The following ARHGDIA variants were observed in gnomAD, a reference collection of about 807,000 sequenced individuals.
The protein encoded by ARHGDIA is Rho GDP dissociation inhibitor alpha.
ARHGDIA carries 9 observed loss-of-function variants against 25.0 expected under a neutral mutation model. That is an observed-to-expected ratio of 0.36 (90% CI 0.22 to 0.63). The LOEUF is 0.63. Among genes scored for constraint, ARHGDIA ranks in the 20% least tolerant of loss-of-function variants. ARHGDIA has a pLI of 0.69. For synonymous variants in ARHGDIA, 166 were observed against 111.5 expected (o/e 1.49, Z -3.08); for missense variants, 239 against 264.3 (o/e 0.90, Z 0.66).
intron 1 of ARHGDIA, among the ~76,000 whole-genome samples, chr17:81,870,428 T>C (rs2143438620): frequency 6.6e-6 from 1 of 152,314 alleles, no homozygotes; most frequent in African/African-American, 2.4e-5. Context: ...CTCAGCGTCA[T>C]CTTTCAAACA....
At chr17:81,869,686 G>C in intron 2 of ARHGDIA, 55 bp downstream of exon 2, 1 of 1,559,940 alleles carries the variant, frequency 6.4e-7, no homozygotes, top group Non-Finnish European at 8.7e-7. Flanking sequence ...GCTGGGGAGC[G>C]GCAAGACAGC....
chr17:81,869,710 C>A (rs747602013), intron 2 of ARHGDIA, 31 bp downstream of exon 2: 3 of 1,593,878 alleles, frequency 1.9e-6, no homozygotes, highest in African/African-American at 2.7e-5. Flanking sequence ...AGTGAACGGG[C>A]GGCCACCCGG....
At chr17:81,870,279 G>A in intron 1 of ARHGDIA, 2 of 317,716 alleles carry the variant, frequency 6.3e-6, no homozygotes, top group South Asian at 8.0e-5. Context: ...AACCGGCGGG[G>A]CCCACACTAA....
intron 1 of ARHGDIA, chr17:81,871,025 C>G (rs1438191783): frequency 1.3e-5 from 2 of 149,606 alleles, no homozygotes; most frequent in Non-Finnish European, 3.0e-5. Context: ...GGCCGGCACT[C>G]CCCTGGTCCC....
rs766785436 is a variant in ARHGDIA, at chr17:81,869,883, C to T, written c.48G>A (p.Ala16=). Residue 16 remains alanine, a synonymous_variant, in exon 2 of 6, where the codon GCG becomes GCA. Transcript: ENST00000269321. The stretch of plus-strand genomic sequence containing the variant: ...CCGAGTGCTCATCCTCCTCGTTCTC[C>T]GCTGCAATCTGGGCCAGCTGCTCGG... ...PTAEQLAQIA[A]ENEEDEHSVN... The T allele has an allele frequency of 1.1e-5, 18 of 1,613,900 alleles. No homozygotes were observed. The highest frequency in any genetic ancestry group is 1.0e-5 in the Non-Finnish European group (12 of 1,180,008).
rs962351429 is a variant in ARHGDIA at position 81,870,138 on chromosome 17, C to T, written c.-27-181G>A. On this transcript the variant is annotated intron_variant, in intron 1 of 5. Coordinates refer to ENST00000269321, the MANE Select transcript of ARHGDIA (RefSeq NM_004309.6). The stretch of plus-strand genomic sequence containing the variant: ...TGGGGCAGTGTGAGGTGCCCCCACC[C>T]CAGGTATAACATCTAAGACAAAATG... 1.7e-5 allele frequency: 10 copies of T among 601,802 alleles called. No individual in the cohort carries two copies. The African/African-American group carries it at 1.7e-4, about 10-fold the overall frequency. 37.3% of individuals were successfully genotyped at this position (601,802 alleles called of 1,614,324 possible). A position where few individuals can be genotyped will look rare whatever the true frequency, so the allele number is the denominator to read the frequency against.
Position 81,868,242 on chromosome 17 carries a change from G to T in ARHGDIA, c.*634C>A. ...GGCACTGGTGGGCTGGGGAGCAGCA[G>T]CAGCACACCCCACGTGTCCCTGGGT... is the stretch of plus-strand genomic sequence containing the variant. On this transcript the variant is annotated 3_prime_UTR_variant, in exon 6 of 6. Transcript: ENST00000269321. The T allele has an allele frequency of 1.1e-6, 1 of 950,492 alleles. No homozygotes were observed. The highest frequency in any genetic ancestry group is 1.5e-6 in the Non-Finnish European group (1 of 673,948). The allele number at this position is 950,492 out of a possible 1,614,324, so 58.9% of individuals were successfully genotyped here. A position where few individuals can be genotyped will look rare whatever the true frequency, so the allele number is the denominator to read the frequency against.
Position 81,868,434 on chromosome 17 carries a change from ACGGCC to A in ARHGDIA, c.*437_*441del. The A allele has an allele frequency of 6.8e-7, 1 of 1,463,818 alleles. No individual in the cohort carries two copies. Among genetic ancestry groups the A allele is most frequent in the Non-Finnish European group, 9.0e-7 (1 of 1,111,378 alleles). 90.7% of individuals were successfully genotyped at this position (1,463,818 alleles called of 1,614,324 possible). A position where few individuals can be genotyped will look rare whatever the true frequency, so the allele number is the denominator to read the frequency against. On this transcript the variant is annotated 3_prime_UTR_variant, in exon 6 of 6. Transcript: ENST00000269321. Reference sequence around the variant, plus strand: ...GGCCAGGGAGCAGCGGGGCTGGAGGACGGCCCGGCCCCCACGAGGCCGTGCATCCC... The same window carrying A: ...GGCCAGGGAGCAGCGGGGCTGGAGGACGGCCCCCACGAGGCCGTGCATCCC...
At position 81,868,609 on chromosome 17, in the gene ARHGDIA, G is replaced by A. The variant is rs937997362; in HGVS notation, c.*267C>T. The A allele has an allele frequency of 1.0e-5, 16 of 1,535,432 alleles. No homozygotes were observed. The highest frequency in any genetic ancestry group is 1.4e-5 in the African/African-American group (1 of 73,032). ...CCTGGGGGGCACAGAAAGGGCAGCA[G>A]AGGCCTGGCTGCGGCCTCTCTCCCC... On this transcript the variant is annotated 3_prime_UTR_variant, in exon 6 of 6. Transcript: ENST00000269321.
intron 1 of ARHGDIA, chr17:81,870,253 A>C: frequency 5.6e-6 from 2 of 357,216 alleles, no homozygotes; most frequent in Non-Finnish European, 1.0e-5. Context: ...GGGCGGGGCT[A>C]GCAGGCCCCA....
chr17:81,869,489 C>A, intron 3 of ARHGDIA, 53 bp downstream of exon 3: 1 of 1,606,928 alleles, frequency 6.2e-7, no homozygotes, highest in African/African-American at 1.3e-5. Flanking sequence ...GGCTGCACTT[C>A]CCGAGATCCC....
chr17:81,870,119 A>C, intron 1 of ARHGDIA, 162 bp from the exon 2 acceptor site: 5 of 665,874 alleles, frequency 7.5e-6, no homozygotes, highest in Non-Finnish European at 1.2e-5. Context: ...CCTCTGGGGC[A>C]GTGTGAGGTG....
Position 81,869,086 on chromosome 17 carries a change from AG to A in ARHGDIA, c.416-12del. On this transcript the variant is annotated splice_polypyrimidine_tract_variant and intron_variant, in intron 5 of 5. Coordinates refer to ENST00000269321, the MANE Select transcript of ARHGDIA (RefSeq NM_004309.6). The stretch of plus-strand genomic sequence containing the variant: ...AGTCAGTCTTGTCAACTGCGGCACA[AG>A]GAAGAGGGCGGTCAGCGGCCCCGCT... 1.2e-6 allele frequency: 2 copies of A among 1,612,654 alleles called. No individual in the cohort carries two copies. The highest frequency in any genetic ancestry group is 1.7e-6 in the Non-Finnish European group (2 of 1,179,534).
rs1183766764 is a variant in ARHGDIA, at chr17:81,868,435, C to T, written c.*441G>A. 13 of 1,463,872 alleles carry T rather than the reference C, an allele frequency of 8.9e-6. No homozygotes were observed. Among genetic ancestry groups the T allele is most frequent in the South Asian group, 6.8e-5 (5 of 73,690 alleles). The allele number at this position is 1,463,872 out of a possible 1,614,324, so 90.7% of individuals were successfully genotyped here. A position where few individuals can be genotyped will look rare whatever the true frequency, so the allele number is the denominator to read the frequency against. On this transcript the variant is annotated 3_prime_UTR_variant, in exon 6 of 6. Transcript: ENST00000269321. ...GCCAGGGAGCAGCGGGGCTGGAGGACGGCCCGGCCCCCACGAGGCCGTGCA... is the reference window on the plus strand; with the variant it reads ...GCCAGGGAGCAGCGGGGCTGGAGGATGGCCCGGCCCCCACGAGGCCGTGCA...
chr17:81,869,247 C>G lies in ARHGDIA; in HGVS notation c.352-11G>C. On this transcript the variant is annotated splice_polypyrimidine_tract_variant and intron_variant, in intron 4 of 5. Transcript: ENST00000269321. ...TATCTCTCGGTTAACCTGCAGGACC[C>G]GAAGCGAGGATCAGGGAAGGTCGGT... 1 of 1,614,110 alleles carries G rather than the reference C, an allele frequency of 6.2e-7. No individual in the cohort carries two copies.
At position 81,868,353 on chromosome 17, in the gene ARHGDIA, A is replaced by G. The variant is rs2039115594; in HGVS notation, c.*523T>C. The G allele has an allele frequency of 2.8e-6, 4 of 1,432,206 alleles. No homozygotes were observed. 88.7% of individuals were successfully genotyped at this position (1,432,206 alleles called of 1,614,324 possible). A position where few individuals can be genotyped will look rare whatever the true frequency, so the allele number is the denominator to read the frequency against. On this transcript the variant is annotated 3_prime_UTR_variant, in exon 6 of 6. Coordinates refer to ENST00000269321, the MANE Select transcript of ARHGDIA (RefSeq NM_004309.6). ...TTAGAGGCTAGTGAGGCCCCACGGT[A>G]CACTCCACATGTTAAGGCATCATGG...
intron 1 of ARHGDIA, 110 bp from the exon 2 acceptor site, chr17:81,870,067 C>G: frequency 9.3e-7 from 1 of 1,075,884 alleles, no homozygotes; most frequent in Non-Finnish European, 1.3e-6. Context: ...AAGGGGGCCA[C>G]CTTCGCTCCT....
In ARHGDIA at chr17:81,869,751, G is replaced by C; in HGVS notation, c.180C>G (p.Ala60=). 6.2e-7 allele frequency: 1 copy of C among 1,613,062 alleles called. No individual in the cohort carries two copies. The highest frequency in any genetic ancestry group is 8.5e-7 in the Non-Finnish European group (1 of 1,179,676). ...GCAGCCCAGACTCACCTGCGGAAAC[G>C]GCCACGCGGCCCAGCAGGGCCTCCT... ...KYKEALLGRV[A]VSADPNVPNV... is the part of the protein sequence containing the mutation. The change falls in exon 2 of 6, where the codon GCC becomes GCG. Residue 60 remains alanine (A), a synonymous_variant. Transcript: ENST00000269321.
chr17:81,869,466 T>C (rs2039199265), intron 3 of ARHGDIA, 60 bp from the exon 4 acceptor site: 1 of 1,611,792 alleles, frequency 6.2e-7, no homozygotes, highest in Non-Finnish European at 8.5e-7. Flanking sequence ...GCCCCAGCCC[T>C]GCGCGGCCCC....
Sources: allele counts gnomAD v4.1 joint callset (sites outside exome capture counted in the v4.1 genomes callset), GRCh38; gene constraint gnomAD v4.1.1; transcripts MANE v1.5; gene names NCBI Gene and HGNC (gene_info 2026-07-23, HGNC 2026-07-21).